The following SOX6 variants were observed in gnomAD, a reference collection of about 807,000 sequenced individuals.
The protein encoded by SOX6 is transcription factor SOX-6.
In SOX6, 11 loss-of-function variants were observed where a neutral mutation model predicts 97.8. The ratio of observed to expected loss-of-function variants is 0.11; its 90% CI spans 0.07 to 0.19. The LOEUF is 0.19. Ranked by LOEUF, SOX6 falls within the 10% of genes least tolerant of loss-of-function variation. SOX6 has a pLI of 1.00. For missense variants in SOX6, 810 were observed against 1,039.5 expected (o/e 0.78, Z 3.04); for synonymous variants, 360 against 371.4 (o/e 0.97, Z 0.35).
At chr11:16,121,658 C>T (rs1444967024) in intron 6 of SOX6, among the ~76,000 whole-genome samples, 1 of 151,936 alleles carries the variant, frequency 6.6e-6, no homozygotes, top group Non-Finnish European at 1.5e-5. Context: ...TTTCTCTACT[C>T]TATCTATGGT....
At chr11:16,464,020 G>T (rs548951236) in intron 1 of SOX6, among the ~76,000 whole-genome samples, 45 of 152,252 alleles carry the variant, frequency 3.0e-4, no homozygotes, top group Non-Finnish European at 5.9e-4. Flanking sequence ...CATCCCTGAT[G>T]GTTATAACTT....
At chr11:16,584,066 C>T (rs1848066169) in intron 4 of SOX6, among the ~76,000 whole-genome samples, 3 of 152,104 alleles carry the variant, frequency 2.0e-5, no homozygotes, top group African/African-American at 7.2e-5. Flanking sequence ...TTCTTTCATT[C>T]TAAGTACCTA....
At chr11:16,121,627 G>C (rs1228482946) in intron 6 of SOX6, among the ~76,000 whole-genome samples, 1 of 151,864 alleles carries the variant, frequency 6.6e-6, no homozygotes, top group Non-Finnish European at 1.5e-5. Context: ...CTAAAGTATA[G>C]CAAAAATTCC....
chr11:16,063,498 A>ATT (rs1848010176), intron 9 of SOX6, among the ~76,000 whole-genome samples: 2 of 2,508 alleles, frequency 8.0e-4, no homozygotes, highest in African/African-American at 1.2e-3. Context: ...CCATAATTTT[A>ATT]TATATATATA....
At chr11:16,328,293 A>G (rs745632079) in intron 2 of SOX6, among the ~76,000 whole-genome samples, 1 of 152,100 alleles carries the variant, frequency 6.6e-6, no homozygotes, top group Non-Finnish European at 1.5e-5. Context: ...TGAGTAATAA[A>G]CCCAATGTGT....
chr11:16,045,940 A>G (rs1855814944), intron 12 of SOX6, among the ~76,000 whole-genome samples: 1 of 152,208 alleles, frequency 6.6e-6, no homozygotes, highest in Admixed American at 6.5e-5. Context: ...ATTAGAATAT[A>G]AGCTCTAGGA....
At chr11:16,508,598 A>G (rs1395815946) in intron 4 of SOX6, among the ~76,000 whole-genome samples, 1 of 151,498 alleles carries the variant, frequency 6.6e-6, no homozygotes, top group Admixed American at 6.7e-5. Context: ...AAAATACTGC[A>G]TGTTCTCCCG....
rs1427232948 is a variant in SOX6, at chr11:16,583,621, A to ATATATATATG, written n.609+28459_609+28460insCATATATATA. ...TATATGTGTATATATATACATATAT[A>ATATATATATG]TATATATATATATATACACATACAC... On this transcript the variant is annotated intron_variant and non_coding_transcript_variant, in intron 4 of 5. Transcript: ENST00000524520. Among the ~76,000 whole-genome samples, 454 of 136,046 alleles carry ATATATATATG rather than the reference A, an allele frequency of 3.3e-3. 6 individuals are homozygous for ATATATATATG. Among genetic ancestry groups the ATATATATATG allele is most frequent in the African/African-American group, 0.011 (439 of 38,180 alleles). The allele number at this position is 136,046 out of a possible 152,430, so 89.3% of individuals were successfully genotyped here. A position where few individuals can be genotyped will look rare whatever the true frequency, so the allele number is the denominator to read the frequency against.
At chr11:16,712,852 G>T (rs1174722321) in intron 3 of SOX6, among the ~76,000 whole-genome samples, 23 of 152,126 alleles carry the variant, frequency 1.5e-4, no homozygotes, top group Admixed American at 1.5e-3. Flanking sequence ...TATTTATACT[G>T]TTAATTATTA....
At chr11:16,641,979 TTGA>T (rs1942083086) in intron 3 of SOX6, among the ~76,000 whole-genome samples, 1 of 152,224 alleles carries the variant, frequency 6.6e-6, no homozygotes, top group South Asian at 2.1e-4. Context: ...TGCTCGTTAG[TTGA>T]TGCAGTTTCT....
chr11:16,565,490 C>CA (rs375980624), intron 4 of SOX6, among the ~76,000 whole-genome samples: 220 of 144,082 alleles, frequency 1.5e-3, no homozygotes, highest in African/African-American at 3.5e-3. Context: ...AAATATGATA[C>CA]AAAAAAAAAA....
chr11:16,477,031 C>A (rs1860265127), upstream of SOX6, among the ~76,000 whole-genome samples: 1 of 152,106 alleles, frequency 6.6e-6, no homozygotes, highest in Non-Finnish European at 1.5e-5. Context: ...CCTCTACATG[C>A]CTATGATTTT....
intron 12 of SOX6, among the ~76,000 whole-genome samples, chr11:16,043,815 C>A (rs1855748242): frequency 1.3e-5 from 2 of 152,162 alleles, no homozygotes; most frequent in Admixed American, 1.3e-4. Context: ...TGTCGGCCCT[C>A]TTCAGCATTG....
At chr11:16,622,808 G>A (rs1374194770) in intron 3 of SOX6, among the ~76,000 whole-genome samples, 1 of 152,130 alleles carries the variant, frequency 6.6e-6, no homozygotes, top group African/African-American at 2.4e-5. Context: ...GGATCAAATG[G>A]TAGTTCTACT....
chr11:16,340,242 A>T (rs1856587438), intron 2 of SOX6, among the ~76,000 whole-genome samples: 1 of 152,132 alleles, frequency 6.6e-6, no homozygotes, highest in Admixed American at 6.6e-5. Context: ...GCCAAAGATT[A>T]AGAAATGCAA....
In SOX6 at chr11:16,341,006, G is replaced by C. The variant is rs1179088490; in HGVS notation, c.237+6C>G. Reference sequence around the variant, plus strand: ...TAGTGGCAGTGGTCAGATTTTAAAGGCTCACCATTCTTTGCTGAGATGACA... The same window carrying C: ...TAGTGGCAGTGGTCAGATTTTAAAGCCTCACCATTCTTTGCTGAGATGACA... On this transcript the variant is annotated splice_donor_region_variant and intron_variant, in intron 2 of 15. Coordinates refer to ENST00000683767, the MANE Select transcript of SOX6 (RefSeq NM_001367873.1). 1.2e-6 allele frequency: 2 copies of C among 1,613,002 alleles called. No individual in the cohort carries two copies. The highest frequency in any genetic ancestry group is 8.5e-7 in the Non-Finnish European group (1 of 1,179,396).
chr11:16,388,908 T>C (rs10766321), intron 1 of SOX6, among the ~76,000 whole-genome samples: 104,132 of 152,032 alleles, frequency 0.68, 35,880 homozygotes, highest in Non-Finnish European at 0.72. Flanking sequence ...TTATATCTTT[T>C]GCCAAATTTG....
intron 3 of SOX6, among the ~76,000 whole-genome samples, chr11:16,642,041 G>T (rs975092965): frequency 1.3e-5 from 2 of 152,144 alleles, no homozygotes; most frequent in Non-Finnish European, 2.9e-5. Context: ...GCAGTGGCTG[G>T]TACTGGTTGT....
At chr11:16,514,983 T>G (rs960855620) in intron 4 of SOX6, among the ~76,000 whole-genome samples, 2 of 152,000 alleles carry the variant, frequency 1.3e-5, no homozygotes, top group Non-Finnish European at 2.9e-5. Context: ...TCTTTGCTAT[T>G]GTGAACAGTG....
Sources: gnomAD v4.1 joint callset for allele counts (sites outside exome capture counted in the v4.1 genomes callset) on GRCh38, gnomAD v4.1.1 for gene constraint, MANE v1.5 for transcripts, NCBI Gene and HGNC (gene_info 2026-07-23, HGNC 2026-07-21) for gene names.